The following OSBPL6 variants were observed in gnomAD, a reference collection of about 807,000 sequenced individuals.
OSBPL6 encodes the protein oxysterol binding protein like 6.
OSBPL6 carries 49 observed loss-of-function variants against 125.8 expected under a neutral mutation model. The observed-to-expected ratio is 0.39, with a 90% CI of 0.31 to 0.49. The LOEUF (loss-of-function observed/expected upper bound fraction) is 0.49. Ranked by LOEUF, OSBPL6 falls within the 20% of genes least tolerant of loss-of-function variation. The probability of loss-of-function intolerance (pLI) is 0.88; values close to 1 mark genes in which losing one functional copy is unlikely to be tolerated. For synonymous variants in OSBPL6, 394 were observed against 391.8 expected (o/e 1.01, Z -0.07); for missense variants, 986 against 1,135.4 (o/e 0.87, Z 1.89).
chr2:178,239,873 C>T (rs1013807670), intron 1 of OSBPL6, among the ~76,000 whole-genome samples: 50 of 151,912 alleles, frequency 3.3e-4, no homozygotes, highest in Admixed American at 2.6e-4. Flanking sequence ...GTGATCCACC[C>T]GCCTCGGCCT....
chr2:178,305,689 T>A (rs1041796408), intron 2 of OSBPL6, among the ~76,000 whole-genome samples: 5 of 152,190 alleles, frequency 3.3e-5, no homozygotes, highest in South Asian at 2.1e-4. Context: ...TTCTAGTCCA[T>A]TGGGTAGGAG....
chr2:178,203,705 T>C (rs1374955244), intron 1 of OSBPL6, among the ~76,000 whole-genome samples: 1 of 152,232 alleles, frequency 6.6e-6, no homozygotes, highest in Admixed American at 6.5e-5. Flanking sequence ...AGCTTTGTTC[T>C]GTGACGCAAT....
intron 1 of OSBPL6, among the ~76,000 whole-genome samples, chr2:178,231,607 C>G (rs1017323085): frequency 4.0e-5 from 6 of 150,204 alleles, no homozygotes; most frequent in Non-Finnish European, 8.9e-5. Flanking sequence ...GCAGCCCTTT[C>G]CCCCATCCTG....
chr2:178,382,635 T>C (rs1336384241), intron 16 of OSBPL6, 128 bp downstream of exon 16: 1 of 1,540,486 alleles, frequency 6.5e-7, no homozygotes, highest in African/African-American at 1.4e-5. Flanking sequence ...GGCAGCTGAT[T>C]GTTCAATACA....
chr2:178,252,921 G>C (rs887243084), intron 1 of OSBPL6, among the ~76,000 whole-genome samples: 12 of 152,056 alleles, frequency 7.9e-5, no homozygotes, highest in Admixed American at 6.5e-5. Flanking sequence ...TGGTGTGGTT[G>C]GTATAAGGGA....
chr2:178,334,270 AGTAC>A (rs1329959183), intron 8 of OSBPL6, among the ~76,000 whole-genome samples: 4 of 152,192 alleles, frequency 2.6e-5, no homozygotes, highest in Admixed American at 2.6e-4. Context: ...TGGCTGCCAC[AGTAC>A]GTTGTGTTCA....
At chr2:178,240,556 C>G (rs1369738724) in intron 1 of OSBPL6, among the ~76,000 whole-genome samples, 1 of 151,802 alleles carries the variant, frequency 6.6e-6, no homozygotes, top group Non-Finnish European at 1.5e-5. Flanking sequence ...CGTCTCAAAA[C>G]TAACTAACTA....
intron 13 of OSBPL6, among the ~76,000 whole-genome samples, chr2:178,370,471 A>G (rs960816311): frequency 6.6e-6 from 1 of 152,210 alleles, no homozygotes; most frequent in Non-Finnish European, 1.5e-5. Flanking sequence ...AGAAAGGCCT[A>G]TGGTACTCAC....
chr2:178,255,447 G>C (rs942097387), intron 1 of OSBPL6, among the ~76,000 whole-genome samples: 16 of 152,244 alleles, frequency 1.1e-4, no homozygotes, highest in Non-Finnish European at 1.6e-4. Flanking sequence ...CAGGGATTCA[G>C]TTACCTGCCA....
At chr2:178,229,328 G>T (rs1409000693) in intron 1 of OSBPL6, among the ~76,000 whole-genome samples, 1 of 152,126 alleles carries the variant, frequency 6.6e-6, no homozygotes, top group African/African-American at 2.4e-5. Flanking sequence ...ACCGTGCATG[G>T]TGTTTAAATT....
chr2:178,298,429 TTTTG>T (rs1461045164), intron 2 of OSBPL6, among the ~76,000 whole-genome samples: 5 of 152,278 alleles, frequency 3.3e-5, no homozygotes, highest in East Asian at 3.9e-4. Context: ...ATTTTTAGTT[TTTTG>T]TTTGTTTGAG....
intron 1 of OSBPL6, among the ~76,000 whole-genome samples, chr2:178,232,830 A>T (rs955525697): frequency 6.6e-6 from 1 of 152,038 alleles, no homozygotes; most frequent in Non-Finnish European, 1.5e-5. Flanking sequence ...CCCTCGCAGT[A>T]CCTTTCCATT....
At chr2:178,259,219 C>A (rs2091980926) in intron 1 of OSBPL6, among the ~76,000 whole-genome samples, 2 of 152,218 alleles carry the variant, frequency 1.3e-5, no homozygotes, top group Non-Finnish European at 2.9e-5. Flanking sequence ...CCAAGTGTAC[C>A]TGCATATATG....
chr2:178,392,536 A>G lies in OSBPL6; in HGVS notation c.2571A>G (p.Gln857=). ...PPTDARFRPD[Q]RFLEEGNLEA... is the part of the protein sequence containing the mutation. ...CAGACGCCCGGTTCCGGCCAGATCA[A>G]AGGTGAGGATGGCAGTGGTATTTAA... Residue 857 remains glutamine, a splice_region_variant and synonymous_variant, in exon 23 of 25, where the codon CAA becomes CAG. Coordinates refer to ENST00000190611, the MANE Select transcript of OSBPL6 (RefSeq NM_032523.4). The G allele has an allele frequency of 6.2e-7, 1 of 1,613,956 alleles. No individual in the cohort carries two copies.
intron 11 of OSBPL6, among the ~76,000 whole-genome samples, chr2:178,346,426 C>T (rs1199127413): frequency 1.3e-5 from 2 of 152,204 alleles, no homozygotes; most frequent in Non-Finnish European, 2.9e-5. Flanking sequence ...CTGTCAGCAA[C>T]TCCATTGTCA....
At position 178,388,440 on chromosome 2, in the gene OSBPL6, C is replaced by T. The variant is rs963008234; in HGVS notation, c.2157-569C>T. Among the ~76,000 whole-genome samples, 9 of 152,146 alleles carry T rather than the reference C, an allele frequency of 5.9e-5. No homozygotes were observed. In the South Asian group the frequency reaches 6.2e-4, roughly 11 times the overall value. On this transcript the variant is annotated intron_variant, in intron 20 of 24. Coordinates refer to ENST00000190611, the MANE Select transcript of OSBPL6 (RefSeq NM_032523.4). ...CTTGGTACGTCCCTGCAGGCCTTCCCGGCTCTGCCTCATCACACCTTTCCT... is the reference window on the plus strand; with the variant it reads ...CTTGGTACGTCCCTGCAGGCCTTCCTGGCTCTGCCTCATCACACCTTTCCT...
chr2:178,358,040 C>G (rs1210344143), intron 12 of OSBPL6, among the ~76,000 whole-genome samples: 1 of 152,136 alleles, frequency 6.6e-6, no homozygotes, highest in Non-Finnish European at 1.5e-5. Context: ...ATAACAAGAA[C>G]ACTTGGACAC....
chr2:178,377,179 G>A (rs371129676), intron 15 of OSBPL6, among the ~76,000 whole-genome samples: 75 of 152,322 alleles, frequency 4.9e-4, no homozygotes, highest in African/African-American at 1.8e-3. Context: ...TCTGCAGGCT[G>A]TACAGGAAGC....
intron 1 of OSBPL6, among the ~76,000 whole-genome samples, chr2:178,279,789 G>A (rs1421951767): frequency 6.6e-6 from 1 of 152,174 alleles, no homozygotes; most frequent in Non-Finnish European, 1.5e-5. Flanking sequence ...AATCTTCAAT[G>A]TACTTTGTCA....
Sources: gnomAD v4.1 joint callset for allele counts (sites outside exome capture counted in the v4.1 genomes callset) on GRCh38, gnomAD v4.1.1 for gene constraint, MANE v1.5 for transcripts, NCBI Gene and HGNC (gene_info 2026-07-23, HGNC 2026-07-21) for gene names.